Variants in CFAP47 observed in about 807,000 individuals in gnomAD.
CFAP47 encodes the protein cilia and flagella associated protein 47, also known as cilia- and flagella-associated protein 47.
A neutral mutation model predicts 148.1 loss-of-function variants in CFAP47; 29 were observed. That is an observed-to-expected ratio of 0.20 (90% CI 0.15 to 0.27). CFAP47 has a LOEUF of 0.27. Among genes scored for constraint, CFAP47 ranks in the 10% least tolerant of loss-of-function variants. CFAP47 has a pLI of 1.00. For missense variants in CFAP47, 1,872 were observed against 1,697.5 expected (o/e 1.10, Z -1.81); for synonymous variants, 664 against 577.3 (o/e 1.15, Z -2.15).
intron 45 of CFAP47, among the ~76,000 whole-genome samples, chrX:36,206,549 A>G (rs1377991842): frequency 1.8e-5 from 2 of 111,961 alleles, no homozygotes; most frequent in Non-Finnish European, 1.9e-5. Flanking sequence ...GAATGTGTTT[A>G]TAAATAAAAT....
intron 45 of CFAP47, among the ~76,000 whole-genome samples, chrX:36,220,392 A>T (rs782076079): frequency 5.7e-4 from 63 of 110,227 alleles, no homozygotes; most frequent in African/African-American, 2.0e-3. Flanking sequence ...TAACACAAAG[A>T]TATATATATA....
intron 25 of CFAP47, among the ~76,000 whole-genome samples, chrX:36,046,316 G>A (rs1461007136): frequency 5.4e-5 from 6 of 110,107 alleles, no homozygotes; most frequent in Admixed American, 9.7e-5. Flanking sequence ...GTTTGGAATG[G>A]CTATAAAAAG....
At chrX:35,954,670 C>T (rs1251320036) in intron 7 of CFAP47, among the ~76,000 whole-genome samples, 1 of 111,885 alleles carries the variant, frequency 8.9e-6, no homozygotes, top group Non-Finnish European at 1.9e-5. Flanking sequence ...AATGCAAACT[C>T]TTTTTCTTTG....
intron 29 of CFAP47, among the ~76,000 whole-genome samples, chrX:36,073,636 C>T (rs984341102): frequency 2.7e-5 from 3 of 110,542 alleles, no homozygotes; most frequent in Non-Finnish European, 1.9e-5. Context: ...CCTTCCTCAT[C>T]TGTGATATGA....
At chrX:36,337,304 G>T (rs1404462759) in intron 57 of CFAP47, among the ~76,000 whole-genome samples, 3 of 112,329 alleles carry the variant, frequency 2.7e-5, no homozygotes, top group Admixed American at 1.9e-4. Context: ...ACAAAGCACA[G>T]TGTCATTTTT....
chrX:36,009,187 C>A (rs915845527), intron 21 of CFAP47, among the ~76,000 whole-genome samples: 1 of 110,648 alleles, frequency 9.0e-6, no homozygotes, highest in African/African-American at 3.3e-5. Context: ...TGACAGTTTG[C>A]GAAACATACT....
intron 4 of CFAP47, among the ~76,000 whole-genome samples, chrX:35,949,173 G>A (rs1226207006): frequency 9.1e-6 from 1 of 109,342 alleles, no homozygotes; most frequent in Non-Finnish European, 1.9e-5. Context: ...GTGTGTGTGT[G>A]TTCCGGCACT....
chrX:36,330,088 C>A (rs939707045), intron 57 of CFAP47, among the ~76,000 whole-genome samples: 2 of 111,617 alleles, frequency 1.8e-5, no homozygotes, highest in African/African-American at 6.5e-5. Flanking sequence ...ACTTATATCC[C>A]AAACTTCTGT....
Position 36,104,592 on chromosome X carries a change from TC to T in CFAP47, c.5223del (p.Ser1742AlafsTer15). The T allele has an allele frequency of 1.1e-6, 1 of 939,382 alleles. No individual in the cohort carries two copies. Among genetic ancestry groups the T allele is most frequent in the Non-Finnish European group, 1.5e-6 (1 of 654,977 alleles). 77.4% of individuals were successfully genotyped at this position (939,382 alleles called of 1,213,427 possible). A position where few individuals can be genotyped will look rare whatever the true frequency, so the allele number is the denominator to read the frequency against. On this transcript the variant is annotated frameshift_variant, in exon 33 of 64. Coordinates refer to ENST00000378653, the MANE Select transcript of CFAP47 (RefSeq NM_001304548.2). LOFTEE classifies it high-confidence loss of function. ...NTPKVNPCFA[S>X]SNIYSDSERI... The stretch of plus-strand genomic sequence containing the variant: ...ACCAAAAGTCAATCCTTGTTTTGCA[TC>T]CAGCAACATATATTCTGATTCTGAA...
chrX:36,033,089 T>G (rs1309192567), intron 23 of CFAP47, among the ~76,000 whole-genome samples: 1 of 112,179 alleles, frequency 8.9e-6, no homozygotes, highest in African/African-American at 3.2e-5. Flanking sequence ...AAATGATATT[T>G]GCGTTGGACT....
intron 57 of CFAP47, among the ~76,000 whole-genome samples, chrX:36,346,701 A>G (rs1329450527): frequency 1.8e-5 from 2 of 111,947 alleles, no homozygotes; most frequent in Non-Finnish European, 3.8e-5. Flanking sequence ...TGGCTCTTTT[A>G]TCACTCTGGG....
intron 57 of CFAP47, among the ~76,000 whole-genome samples, chrX:36,327,506 A>C (rs1556013283): frequency 8.9e-6 from 1 of 112,006 alleles, no homozygotes; most frequent in African/African-American, 3.2e-5. Context: ...AAACTCTTCT[A>C]CGCTGTTGGT....
intron 27 of CFAP47, among the ~76,000 whole-genome samples, chrX:36,066,420 C>T (rs1274183414): frequency 9.0e-6 from 1 of 111,423 alleles, no homozygotes; most frequent in Non-Finnish European, 1.9e-5. Context: ...TAGTCTTATT[C>T]TACCTTAATT....
intron 26 of CFAP47, among the ~76,000 whole-genome samples, chrX:36,051,442 G>A (rs1937519822): frequency 8.9e-6 from 1 of 112,031 alleles, no homozygotes; most frequent in Non-Finnish European, 1.9e-5. Flanking sequence ...GAGACATGGA[G>A]TCAAAGGAGA....
In CFAP47 at chrX:36,371,769, T is replaced by C. The variant is rs188957925; in HGVS notation, c.9185+4642T>C. The stretch of plus-strand genomic sequence containing the variant: ...GTGTATATACACACATGTGTGTATA[T>C]ACACACATGTGTATATATGTGTGTA... On this transcript the variant is annotated intron_variant, in intron 62 of 63. Coordinates refer to ENST00000378653, the MANE Select transcript of CFAP47 (RefSeq NM_001304548.2). Among the ~76,000 whole-genome samples, 85 of 54,464 alleles carry C rather than the reference T, an allele frequency of 1.6e-3. 1 individual carries two copies. The highest frequency in any genetic ancestry group is 2.3e-3 in the South Asian group (2 of 856). 47.3% of individuals were successfully genotyped at this position (54,464 alleles called of 115,157 possible).
At chrX:36,221,417 G>T (rs930489371) in intron 45 of CFAP47, among the ~76,000 whole-genome samples, 1 of 111,092 alleles carries the variant, frequency 9.0e-6, no homozygotes, top group East Asian at 2.8e-4. Context: ...ACCAGTAGAG[G>T]CATAAATGAA....
At chrX:36,228,986 T>C (rs1239748500) in intron 46 of CFAP47, among the ~76,000 whole-genome samples, 162 bp downstream of exon 46, 1 of 111,945 alleles carries the variant, frequency 8.9e-6, no homozygotes, top group Non-Finnish European at 1.9e-5. Flanking sequence ...TAAATATAAA[T>C]GTTATTATGT....
chrX:36,267,735 C>T (rs968657230), intron 49 of CFAP47, among the ~76,000 whole-genome samples: 1 of 111,665 alleles, frequency 9.0e-6, no homozygotes, highest in South Asian at 3.7e-4. Context: ...GCCTTGGCCT[C>T]CCAAAGTGCT....
At chrX:36,181,884 G>T (rs1391790912) in intron 40 of CFAP47, among the ~76,000 whole-genome samples, 1 of 112,643 alleles carries the variant, frequency 8.9e-6, no homozygotes, top group Non-Finnish European at 1.9e-5. Flanking sequence ...CAAGCTCTTG[G>T]TTTATCATTT....
Sources: allele counts gnomAD v4.1 joint callset (sites outside exome capture counted in the v4.1 genomes callset), GRCh38; gene constraint gnomAD v4.1.1; transcripts MANE v1.5; gene names NCBI Gene and HGNC (gene_info 2026-07-23, HGNC 2026-07-21).